PDPN: variants seen among roughly 807,000 people sequenced by gnomAD.
PDPN encodes the protein PA2.26 antigen.
In PDPN, 12 loss-of-function variants were observed where a neutral mutation model predicts 23.2. That is an observed-to-expected ratio of 0.52 (90% CI 0.33 to 0.84). The LOEUF is 0.84. PDPN is among the 40% of genes least tolerant of loss of function. The probability of loss-of-function intolerance (pLI) is 0.02; values close to 1 mark genes in which losing one functional copy is unlikely to be tolerated. For missense variants in PDPN, 199 were observed against 212.2 expected (o/e 0.94, Z 0.39); for synonymous variants, 77 against 76.7 (o/e 1.00, Z -0.02).
chr1:13,595,102 C>T (rs768966558), intron 1 of PDPN, among the ~76,000 whole-genome samples: 10 of 151,926 alleles, frequency 6.6e-5, no homozygotes, highest in African/African-American at 1.2e-4. Context: ...TATTAAAACA[C>T]CTCGTGGATT....
chr1:13,585,014 G>A (rs917610152), intron 1 of PDPN, among the ~76,000 whole-genome samples: 1 of 152,122 alleles, frequency 6.6e-6, no homozygotes, highest in Non-Finnish European at 1.5e-5. Flanking sequence ...TAGAACATAT[G>A]TTCTGCAGGA....
At chr1:13,595,965 AG>A (rs1386062776) in intron 1 of PDPN, 9 of 891,832 alleles carry the variant, frequency 1.0e-5, no homozygotes, top group Non-Finnish European at 1.4e-5. Flanking sequence ...TGGGAGGCTG[AG>A]GCGGGCAGAT....
intron 1 of PDPN, among the ~76,000 whole-genome samples, chr1:13,605,524 A>G (rs1392123558): frequency 6.6e-6 from 1 of 152,224 alleles, no homozygotes; most frequent in Non-Finnish European, 1.5e-5. Flanking sequence ...AGTTTGGGTC[A>G]CTGCAACAGA....
chr1:13,594,588 A>G (rs1274622024), intron 1 of PDPN, among the ~76,000 whole-genome samples: 5 of 152,206 alleles, frequency 3.3e-5, no homozygotes, highest in African/African-American at 1.2e-4. Context: ...TGTCTAATCC[A>G]TGCACTGGCA....
chr1:13,594,086 G>A lies in PDPN; in HGVS notation c.67+9986G>A, dbSNP rs1364938592. 2.6e-5 allele frequency among the ~76,000 whole-genome samples: 4 copies of A among 152,280 alleles called. No homozygotes were observed. In the East Asian group the frequency reaches 5.8e-4, roughly 22 times the overall value. On this transcript the variant is annotated intron_variant, in intron 1 of 5. Transcript: ENST00000621990. ...TGAGCCATGTTTGTGCTTGATGAGT[G>A]TGTTGATTCACTCCCATGAACTCTG...
At chr1:13,614,017 G>C (rs1340601516) in intron 4 of PDPN, among the ~76,000 whole-genome samples, 1 of 151,820 alleles carries the variant, frequency 6.6e-6, no homozygotes, top group Non-Finnish European at 1.5e-5. Context: ...TGAAAATAGG[G>C]GCCAACTTAA....
At chr1:13,587,393 C>T (rs1236641986) in intron 1 of PDPN, among the ~76,000 whole-genome samples, 1 of 152,162 alleles carries the variant, frequency 6.6e-6, no homozygotes, top group East Asian at 1.9e-4. Context: ...TTTCAAATTC[C>T]ATCGGCTTAT....
Position 13,600,676 on chromosome 1 carries a change from C to T in PDPN, c.68-6497C>T, listed in dbSNP as rs1442742501. ...CACCGCGTTGGGCCACATCACTTAA[C>T]TTCCGACCTTGTTAAAGAAACACTA... On this transcript the variant is annotated intron_variant, in intron 1 of 5. Transcript: ENST00000621990. Among the ~76,000 whole-genome samples the T allele has an allele frequency of 2.0e-5, 3 of 152,176 alleles. No individual in the cohort carries two copies. In the East Asian group the frequency reaches 5.8e-4, roughly 29 times the overall value.
chr1:13,605,857 C>G (rs1052978754), intron 1 of PDPN, among the ~76,000 whole-genome samples: 1 of 152,032 alleles, frequency 6.6e-6, no homozygotes, highest in Non-Finnish European at 1.5e-5. Flanking sequence ...TCTTGACCTT[C>G]TGATCCGCCC....
intron 3 of PDPN, among the ~76,000 whole-genome samples, chr1:13,611,639 A>AG (rs1305503999): frequency 6.6e-6 from 1 of 152,180 alleles, no homozygotes; most frequent in Non-Finnish European, 1.5e-5. Flanking sequence ...AAAGGGGTTC[A>AG]GGAGGTGGAT....
intron 1 of PDPN, chr1:13,585,324 C>T (rs1570001902): frequency 2.8e-6 from 1 of 352,472 alleles, no homozygotes; most frequent in East Asian, 7.8e-5. Context: ...CAGAGTTCTG[C>T]TCTATGCTGT....
At position 13,614,354 on chromosome 1, in the gene PDPN, TCG is replaced by T; in HGVS notation, c.426_427del (p.Ile142MetfsTer24). The T allele has an allele frequency of 6.2e-7, 1 of 1,610,354 alleles. No homozygotes were observed. The highest frequency in any genetic ancestry group is 8.5e-7 in the Non-Finnish European group (1 of 1,176,480). On this transcript the variant is annotated frameshift_variant, in exon 5 of 6. Coordinates refer to ENST00000621990, the MANE Select transcript of PDPN (RefSeq NM_006474.5). LOFTEE classifies it high-confidence loss of function. ...ATCATAGTTGGGGTCTTACTAGCCA[TCG>T]GCTTCATTGGTGCAATCATCGTTGT...
chr1:13,607,100 C>A, intron 1 of PDPN, 73 bp from the exon 2 acceptor site: 5 of 1,462,568 alleles, frequency 3.4e-6, no homozygotes, highest in South Asian at 1.3e-5. Context: ...GAAAATAATC[C>A]GAATGTAGCC....
At chr1:13,612,675 C>G (rs1259752341) in intron 3 of PDPN, among the ~76,000 whole-genome samples, 1 of 152,136 alleles carries the variant, frequency 6.6e-6, no homozygotes, top group Non-Finnish European at 1.5e-5. Context: ...TCTGGGACCT[C>G]TACCCTGGGG....
rs1557548232 is a variant in PDPN at position 13,607,330 on chromosome 1, A to AT, written c.201+30dup. The AT allele has an allele frequency of 2.5e-6, 4 of 1,604,912 alleles. No homozygotes were observed. The East Asian group carries it at 6.7e-5, about 27-fold the overall frequency. On this transcript the variant is annotated intron_variant, in intron 2 of 5. Transcript: ENST00000621990. ...TGGTCAGTGTCCTGGGAAGAGAGGA[A>AT]TTTTTTCCGTAGGCATGTGATCACA...
intron 2 of PDPN, among the ~76,000 whole-genome samples, chr1:13,609,222 T>C (rs999316531): frequency 6.6e-6 from 1 of 152,152 alleles, no homozygotes; most frequent in South Asian, 2.1e-4. Flanking sequence ...TCTAGTCTAG[T>C]CTAGACAAGG....
At chr1:13,612,204 T>C (rs1348927129) in intron 3 of PDPN, among the ~76,000 whole-genome samples, 2 of 152,174 alleles carry the variant, frequency 1.3e-5, no homozygotes, top group African/African-American at 2.4e-5. Context: ...CAAAATGTCA[T>C]TATAAGCACT....
chr1:13,595,870 G>A (rs759570808), intron 1 of PDPN: 43 of 1,288,388 alleles, frequency 3.3e-5, no homozygotes, highest in Middle Eastern at 4.4e-4. Context: ...GGTGGACAGC[G>A]GCAGGGACAT....
intron 1 of PDPN, among the ~76,000 whole-genome samples, chr1:13,597,936 C>T (rs940424146): frequency 6.6e-6 from 1 of 152,068 alleles, no homozygotes; most frequent in East Asian, 1.9e-4. Flanking sequence ...GATTGTGCCA[C>T]TGCACTCCAG....
Sources: gnomAD v4.1 joint callset for allele counts (sites outside exome capture counted in the v4.1 genomes callset) on GRCh38, gnomAD v4.1.1 for gene constraint, MANE v1.5 for transcripts, NCBI Gene and HGNC (gene_info 2026-07-23, HGNC 2026-07-21) for gene names.